PKHD1: variants seen among roughly 807,000 people sequenced by gnomAD.
The protein encoded by PKHD1 is fibrocystin.
In PKHD1, 291 loss-of-function variants were observed where a neutral mutation model predicts 412.0. The ratio of observed to expected loss-of-function variants is 0.71; its 90% CI spans 0.64 to 0.78. PKHD1 has a LOEUF of 0.78. PKHD1 is among the 30% of genes least tolerant of loss of function. The probability of loss-of-function intolerance (pLI) is 0.00; values close to 1 mark genes in which losing one functional copy is unlikely to be tolerated. For synonymous variants in PKHD1, 1,777 were observed against 1,821.5 expected (o/e 0.98, Z 0.62); for missense variants, 4,825 against 4,950.7 (o/e 0.97, Z 0.76).
intron 36 of PKHD1, among the ~76,000 whole-genome samples, chr6:51,950,220 A>AAAAAAAAAAAAAAATATAT: frequency 1.0e-4 from 10 of 98,300 alleles, no homozygotes; most frequent in African/African-American, 3.8e-4. Flanking sequence ...GAAAAAAAAA[A>AAAAAAAAAAAAAAATATAT]ATATATATAT....
chr6:52,086,262 C>A (rs1203895605), intron 1 of PKHD1, among the ~76,000 whole-genome samples: 7 of 151,562 alleles, frequency 4.6e-5, no homozygotes, highest in Non-Finnish European at 8.8e-5. Flanking sequence ...AGGTGTGCGC[C>A]ACCACACCCG....
Position 52,056,023 on chromosome 6 carries a change from T to C in PKHD1, c.1694-294A>G, listed in dbSNP as rs942292576. Among the ~76,000 whole-genome samples the C allele has an allele frequency of 3.3e-5, 5 of 152,150 alleles. No homozygotes were observed. The East Asian group carries it at 7.7e-4, about 23-fold the overall frequency. ...TATTAATATTTTAGGGGCTGGATAA[T>C]TCTTTGTTGTAGGGGCTGTCCTGTT... On this transcript the variant is annotated intron_variant, in intron 18 of 66. Transcript: ENST00000371117.
chr6:51,746,666 A>G (rs1785227731), intron 59 of PKHD1, 55 bp downstream of exon 59: 1 of 1,100,552 alleles, frequency 9.1e-7, no homozygotes, highest in Admixed American at 1.7e-5. Context: ...TTAGGGTTTG[A>G]AGAATTGCCA....
intron 52 of PKHD1, among the ~76,000 whole-genome samples, chr6:51,814,392 C>A (rs1177811639): frequency 6.6e-6 from 1 of 152,166 alleles, no homozygotes; most frequent in Admixed American, 6.5e-5. Context: ...TCTAAGCCTG[C>A]ACCAATGTTT....
rs1785538588 is a variant in PKHD1, at chr6:51,748,432, T to C, written c.9184A>G (p.Asn3062Asp). ...DLEGQAYTVT[N>D]NLVVLMTQPA... ...TGTGTCATCAGAACCACAAGGTTATTAGTGACAGTATAGGCCTGACCCTCT... is the reference window on the plus strand; with the variant it reads ...TGTGTCATCAGAACCACAAGGTTATCAGTGACAGTATAGGCCTGACCCTCT... The change falls in exon 58 of 67, where the codon AAT becomes GAT. Residue 3062 changes from asparagine (N) to aspartate (D), a missense_variant. By Grantham distance (23) the Asn-to-Asp change is conservative (BLOSUM62 1). Coordinates refer to ENST00000371117, the MANE Select transcript of PKHD1 (RefSeq NM_138694.4). 6.2e-7 allele frequency: 1 copy of C among 1,614,076 alleles called. No homozygotes were observed. Among genetic ancestry groups the C allele is most frequent in the East Asian group, 2.2e-5 (1 of 44,876 alleles).
At chr6:52,063,260 C>T (rs1021419708) in intron 13 of PKHD1, among the ~76,000 whole-genome samples, 8 of 152,184 alleles carry the variant, frequency 5.3e-5, no homozygotes, top group African/African-American at 1.9e-4. Context: ...GGCACAGGTG[C>T]AATCAATATT....
chr6:51,717,839 G>A (rs1781460582), intron 60 of PKHD1, among the ~76,000 whole-genome samples: 1 of 152,188 alleles, frequency 6.6e-6, no homozygotes, highest in Admixed American at 6.5e-5. Flanking sequence ...TGTTAGAGAA[G>A]AAGGTAGCCT....
intron 43 of PKHD1, among the ~76,000 whole-genome samples, chr6:51,894,195 C>A (rs569241481): frequency 6.6e-6 from 1 of 152,288 alleles, no homozygotes; most frequent in African/African-American, 2.4e-5. Context: ...GAGGGTGAAG[C>A]GCTCTAAGAA....
intron 52 of PKHD1, among the ~76,000 whole-genome samples, chr6:51,824,441 C>T (rs1766981781): frequency 6.6e-6 from 1 of 152,064 alleles, no homozygotes; most frequent in Non-Finnish European, 1.5e-5. Flanking sequence ...TGAAATTCTT[C>T]CTTCCAGTGG....
intron 60 of PKHD1, among the ~76,000 whole-genome samples, chr6:51,715,868 A>T (rs2150788796): frequency 6.6e-6 from 1 of 152,320 alleles, no homozygotes; most frequent in South Asian, 2.1e-4. Flanking sequence ...AGAAACAGCA[A>T]ATTCAAGACA....
At chr6:51,895,996 G>A (rs1180206243) in intron 43 of PKHD1, among the ~76,000 whole-genome samples, 10 of 152,250 alleles carry the variant, frequency 6.6e-5, no homozygotes, top group Middle Eastern at 3.4e-3. Flanking sequence ...ATTATATCCC[G>A]CACCTGGCTC....
intron 57 of PKHD1, among the ~76,000 whole-genome samples, chr6:51,751,560 A>C (rs1480743200): frequency 2.0e-5 from 3 of 152,232 alleles, no homozygotes; most frequent in Non-Finnish European, 2.9e-5. Flanking sequence ...CAGCTTTTCT[A>C]TAAATCCAAA....
At chr6:52,002,234 T>A (rs1376227214) in intron 35 of PKHD1, among the ~76,000 whole-genome samples, 1 of 152,202 alleles carries the variant, frequency 6.6e-6, no homozygotes, top group Non-Finnish European at 1.5e-5. Context: ...GGTACTGTCT[T>A]CCTCCCTCCA....
chr6:51,734,217 T>TTTAATACACA (rs1405533543), intron 60 of PKHD1, among the ~76,000 whole-genome samples: 1 of 152,178 alleles, frequency 6.6e-6, no homozygotes, highest in Non-Finnish European at 1.5e-5. Flanking sequence ...TCTTCAGTAT[T>TTTAATACACA]TTAATACACA....
chr6:51,754,999 C>T, intron 55 of PKHD1, 61 bp from the exon 56 acceptor site: 4 of 1,411,936 alleles, frequency 2.8e-6, no homozygotes, highest in Non-Finnish European at 4.0e-6. Context: ...CATCTATTAA[C>T]TCCAGAGCAA....
intron 31 of PKHD1, among the ~76,000 whole-genome samples, chr6:52,026,667 C>T (rs1035051695): frequency 6.6e-6 from 1 of 152,028 alleles, no homozygotes; most frequent in African/African-American, 2.4e-5. Flanking sequence ...TCCAATATTC[C>T]ATATATTATA....
intron 34 of PKHD1, among the ~76,000 whole-genome samples, chr6:52,011,214 T>C (rs1040599740): frequency 6.6e-6 from 1 of 152,180 alleles, no homozygotes; most frequent in Non-Finnish European, 1.5e-5. Context: ...TCTAAAAATA[T>C]GCCATCTAGA....
chr6:51,692,615 T>C (rs1003788538), intron 60 of PKHD1, among the ~76,000 whole-genome samples: 2 of 152,160 alleles, frequency 1.3e-5, no homozygotes, highest in Non-Finnish European at 1.5e-5. Flanking sequence ...CACAAGTTAG[T>C]CTCGTCCATT....
At chr6:51,948,862 T>C (rs578109978) in intron 36 of PKHD1, among the ~76,000 whole-genome samples, 2 of 152,318 alleles carry the variant, frequency 1.3e-5, no homozygotes, top group South Asian at 4.1e-4. Context: ...GTTGTAGACA[T>C]AGGCTCAACG....
Sources: allele counts gnomAD v4.1 joint callset (sites outside exome capture counted in the v4.1 genomes callset), GRCh38; gene constraint gnomAD v4.1.1; transcripts MANE v1.5; gene names NCBI Gene and HGNC (gene_info 2026-07-23, HGNC 2026-07-21).